Variants in PHF21A observed in about 807,000 individuals in gnomAD.
PHF21A encodes the protein PHD finger protein 21A.
A neutral mutation model predicts 82.5 loss-of-function variants in PHF21A; 11 were observed. The ratio of observed to expected loss-of-function variants is 0.13; its 90% confidence interval spans 0.08 to 0.22. PHF21A has a LOEUF of 0.22. PHF21A is among the 10% of genes least tolerant of loss of function. The pLI is 1.00. For missense variants in PHF21A, 579 were observed against 837.8 expected (o/e 0.69, Z 3.81); for synonymous variants, 297 against 302.8 (o/e 0.98, Z 0.20).
chr11:45,972,061 G>A (rs1190660103), intron 7 of PHF21A, among the ~76,000 whole-genome samples: 9 of 151,286 alleles, frequency 5.9e-5, no homozygotes, highest in Admixed American at 5.3e-4. Flanking sequence ...TGATACTAAA[G>A]GGATATTATG....
In PHF21A at chr11:46,104,980, G is replaced by A. The variant is rs1200093497; in HGVS notation, c.-236-12757C>T. Among the ~76,000 whole-genome samples, 5 of 152,200 alleles carry A rather than the reference G, an allele frequency of 3.3e-5. 1 individual carries two copies. The South Asian group carries it at 6.2e-4, about 19-fold the overall frequency. On this transcript the variant is annotated intron_variant, in intron 1 of 18. Coordinates refer to ENST00000676320, the MANE Select transcript of PHF21A (RefSeq NM_001352027.3). ...TCTCAATCCTTGAGAAGAGAAGAAAGGAGCAGAAAACTAAGCTTCAGTACC... is the reference window on the plus strand; with the variant it reads ...TCTCAATCCTTGAGAAGAGAAGAAAAGAGCAGAAAACTAAGCTTCAGTACC...
intron 15 of PHF21A, among the ~76,000 whole-genome samples, chr11:45,943,173 A>C (rs1293351820): frequency 7.8e-6 from 1 of 128,728 alleles, no homozygotes; most frequent in Non-Finnish European, 1.6e-5. Context: ...CCCAGGCCGG[A>C]GTGCAGTGGC....
chr11:46,111,004 C>T (rs1465976016), intron 1 of PHF21A, among the ~76,000 whole-genome samples: 6 of 150,704 alleles, frequency 4.0e-5, no homozygotes, highest in Admixed American at 1.3e-4. Context: ...AGGCTGGTCT[C>T]GAACTCTTGA....
chr11:46,061,899 A>C (rs887002513), intron 6 of PHF21A, among the ~76,000 whole-genome samples: 1 of 152,158 alleles, frequency 6.6e-6, no homozygotes, highest in African/African-American at 2.4e-5. Context: ...GTGACCTTGC[A>C]TGTCTTAAAA....
At chr11:46,030,266 G>A (rs932207492) in intron 6 of PHF21A, among the ~76,000 whole-genome samples, 2 of 152,294 alleles carry the variant, frequency 1.3e-5, no homozygotes, top group South Asian at 2.1e-4. Flanking sequence ...TTCTTTAAAA[G>A]GGTGTCAAGA....
chr11:45,958,341 T>C (rs11038723), intron 10 of PHF21A, among the ~76,000 whole-genome samples: 41,342 of 130,334 alleles, frequency 0.32, 7,618 homozygotes, highest in East Asian at 0.8. Context: ...GGCAGGCAGA[T>C]AGCTTGAGCT....
At chr11:46,106,246 T>C (rs1055878188) in intron 1 of PHF21A, among the ~76,000 whole-genome samples, 1 of 152,268 alleles carries the variant, frequency 6.6e-6, no homozygotes, top group African/African-American at 2.4e-5. Context: ...TTTATTTCAA[T>C]GGTCATTATT....
intron 6 of PHF21A, among the ~76,000 whole-genome samples, chr11:46,025,910 G>A (rs1367457245): frequency 6.6e-6 from 1 of 152,142 alleles, no homozygotes; most frequent in Non-Finnish European, 1.5e-5. Flanking sequence ...TTTATTGTAG[G>A]CGAAGACATT....
At chr11:46,066,333 T>C (rs1423937242) in intron 6 of PHF21A, among the ~76,000 whole-genome samples, 1 of 152,188 alleles carries the variant, frequency 6.6e-6, no homozygotes, top group Non-Finnish European at 1.5e-5. Flanking sequence ...TGTACATACA[T>C]ATAAATATAT....
rs768456465 is a variant in PHF21A at position 45,949,519 on chromosome 11, T to G, written c.1148-38A>C. ...AAAGGTTTTCATTAGCAGAGAGGCA[T>G]GGAGAACCTAAAAAACTTAACTTCA... is the stretch of plus-strand genomic sequence containing the variant. On this transcript the variant is annotated intron_variant, in intron 12 of 18. Transcript: ENST00000676320. The G allele has an allele frequency of 3.9e-6, 6 of 1,527,930 alleles. No homozygotes were observed. In the African/African-American group the frequency reaches 8.2e-5, roughly 21 times the overall value. 94.6% of individuals were successfully genotyped at this position (1,527,930 alleles called of 1,614,324 possible).
intron 1 of PHF21A, among the ~76,000 whole-genome samples, chr11:46,100,016 T>G (rs532444479): frequency 1.3e-4 from 20 of 152,334 alleles, no homozygotes; most frequent in African/African-American, 4.3e-4. Flanking sequence ...TTATCAGTAC[T>G]TTGAAATGTC....
chr11:46,095,380 T>G (rs1460055680), intron 1 of PHF21A, among the ~76,000 whole-genome samples: 1 of 152,200 alleles, frequency 6.6e-6, no homozygotes, highest in Admixed American at 6.5e-5. Context: ...ATTTCACACT[T>G]CTAACTAAGG....
At chr11:46,016,023 G>A (rs1487358992) in intron 6 of PHF21A, among the ~76,000 whole-genome samples, 1 of 152,074 alleles carries the variant, frequency 6.6e-6, no homozygotes, top group Non-Finnish European at 1.5e-5. Context: ...AATATGTACT[G>A]TACATAATTG....
chr11:46,034,488 T>G (rs2095946031), intron 6 of PHF21A, among the ~76,000 whole-genome samples: 1 of 152,178 alleles, frequency 6.6e-6, no homozygotes, highest in African/African-American at 2.4e-5. Flanking sequence ...TCTTCCACAC[T>G]CCAAGATAAA....
At chr11:46,063,364 T>C (rs1311317397) in intron 6 of PHF21A, among the ~76,000 whole-genome samples, 1 of 152,188 alleles carries the variant, frequency 6.6e-6, no homozygotes, top group Non-Finnish European at 1.5e-5. Flanking sequence ...TAGAGTAAGA[T>C]TGGCAAACTT....
chr11:46,086,923 C>T (rs967132652), intron 3 of PHF21A, among the ~76,000 whole-genome samples: 1 of 152,106 alleles, frequency 6.6e-6, no homozygotes, highest in African/African-American at 2.4e-5. Context: ...AAACAATTTA[C>T]AGAAGAAATA....
chr11:46,092,998 T>A (rs943589086), intron 1 of PHF21A, among the ~76,000 whole-genome samples: 1 of 152,096 alleles, frequency 6.6e-6, no homozygotes, highest in Non-Finnish European at 1.5e-5. Flanking sequence ...CAAGCAATCC[T>A]CCCTGCCTCA....
intron 6 of PHF21A, among the ~76,000 whole-genome samples, chr11:45,995,155 T>C (rs1343328483): frequency 6.6e-6 from 1 of 152,192 alleles, no homozygotes; most frequent in African/African-American, 2.4e-5. Flanking sequence ...CTAAGGCAAG[T>C]GTGATAGGCT....
intron 6 of PHF21A, among the ~76,000 whole-genome samples, chr11:46,017,942 G>C (rs2095549336): frequency 1.3e-5 from 2 of 152,058 alleles, no homozygotes; most frequent in African/African-American, 4.8e-5. Flanking sequence ...ACTCTAACTA[G>C]CTGTAGGGGT....
Sources: allele counts gnomAD v4.1 joint callset (sites outside exome capture counted in the v4.1 genomes callset), GRCh38; gene constraint gnomAD v4.1.1; transcripts MANE v1.5; gene names NCBI Gene and HGNC (gene_info 2026-07-23, HGNC 2026-07-21).